The following BTBD1 variants were observed in gnomAD, a reference collection of about 807,000 sequenced individuals.
The protein encoded by BTBD1 is BTB/POZ domain-containing protein 1.
In BTBD1, 34 loss-of-function variants were observed where a neutral mutation model predicts 48.0. That is an observed-to-expected ratio of 0.71 (90% confidence interval 0.54 to 0.94). The LOEUF is 0.94. Among genes scored for constraint, BTBD1 ranks in the 40% least tolerant of loss-of-function variants. The pLI is 0.00. For missense variants in BTBD1, 543 were observed against 625.6 expected (o/e 0.87, Z 1.41); for synonymous variants, 261 against 242.1 (o/e 1.08, Z -0.72).
chr15:83,054,683 T>A (rs2033051591), intron 2 of BTBD1, among the ~76,000 whole-genome samples: 1 of 150,996 alleles, frequency 6.6e-6, no homozygotes. Context: ...TGCCTCAGCC[T>A]CCTGAGTAGC....
rs2032222392 is a variant in BTBD1, at chr15:83,018,750, T to G, written c.1247A>C (p.Glu416Ala). 1 of 1,613,992 alleles carries G rather than the reference T, an allele frequency of 6.2e-7. No homozygotes were observed. Among genetic ancestry groups the G allele is most frequent in the Non-Finnish European group, 8.5e-7 (1 of 1,180,002 alleles). ...TFRVMFKEPI[E>A]ILPNVCYTAC... ...TGTGTAGCACACATTGGGCAGGATC[T>G]CTATGGGTTCCTTGAACATGACCCT... Residue 416 changes from glutamate to alanine, a missense_variant, in exon 7 of 8, where the codon GAG becomes GCG. Glu to Ala is a moderately radical substitution (Grantham distance 107). Around this residue, in one of 3 missense-constraint regions of BTBD1, gnomAD observed 300 missense variants for 350.0 expected, o/e 0.86. Coordinates refer to ENST00000261721, the MANE Select transcript of BTBD1 (RefSeq NM_025238.4).
chr15:83,046,862 G>C (rs918709621), intron 3 of BTBD1, among the ~76,000 whole-genome samples: 21 of 152,156 alleles, frequency 1.4e-4, no homozygotes, highest in Admixed American at 1.4e-3. Context: ...CTAACAACAG[G>C]ATGTTAGAAC....
At chr15:83,020,618 T>C in intron 6 of BTBD1, 57 bp downstream of exon 6, 10 of 1,187,856 alleles carry the variant, frequency 8.4e-6, no homozygotes, top group Non-Finnish European at 1.2e-5. Flanking sequence ...AACAATATCT[T>C]AAAGTTACCT....
At chr15:83,056,690 GCCATCCATTCATCTATCCAT>G (rs1318959411) in intron 1 of BTBD1, 145 bp from the exon 2 acceptor site, 3 of 483,158 alleles carry the variant, frequency 6.2e-6, no homozygotes, top group African/African-American at 6.7e-5. Flanking sequence ...CACCCACCCA[GCCATCCATTCATCTATCCAT>G]CCATCCATCC....
chr15:83,064,830 T>G (rs954771000), intron 1 of BTBD1, among the ~76,000 whole-genome samples: 1 of 152,182 alleles, frequency 6.6e-6, no homozygotes, highest in Non-Finnish European at 1.5e-5. Flanking sequence ...AACTTTAAAC[T>G]AAAATGACCT....
chr15:83,036,867 C>G (rs916492539), intron 4 of BTBD1, among the ~76,000 whole-genome samples: 1 of 152,040 alleles, frequency 6.6e-6, no homozygotes, highest in Admixed American at 6.6e-5. Flanking sequence ...ATGGACACAA[C>G]TAATTTATAG....
At chr15:83,058,974 G>C (rs752044448) in intron 1 of BTBD1, among the ~76,000 whole-genome samples, 23 of 152,082 alleles carry the variant, frequency 1.5e-4, no homozygotes, top group Non-Finnish European at 3.4e-4. Flanking sequence ...TTTTGTGTGA[G>C]ATCTCCCATT....
intron 3 of BTBD1, among the ~76,000 whole-genome samples, chr15:83,047,157 C>T (rs1256834672): frequency 6.6e-6 from 1 of 152,098 alleles, no homozygotes; most frequent in Non-Finnish European, 1.5e-5. Context: ...AGTAAACAAT[C>T]AACATATATA....
chr15:83,050,076 T>C lies in BTBD1; in HGVS notation c.661A>G (p.Ile221Val), dbSNP rs774815100. Residue 221 changes from isoleucine to valine, a missense_variant, in exon 3 of 8, where the codon ATA becomes GTA. By Grantham distance (29) the Ile-to-Val change is conservative (BLOSUM62 3). Around this residue, in one of 3 missense-constraint regions of BTBD1, gnomAD observed 300 missense variants for 350.0 expected, o/e 0.86. Transcript: ENST00000261721. ...ATTTACTTCATAGCGAACTTACCTA[T>C]ATCAATATCAGTAAACCCTTCTGCA... is the stretch of plus-strand genomic sequence containing the variant. ...ISAEGFTDID[I>V]DTLCAVLERD... 108 of 1,598,724 alleles carry C rather than the reference T, an allele frequency of 6.8e-5. No individual in the cohort carries two copies. The highest frequency in any genetic ancestry group is 1.0e-5 in the Non-Finnish European group (12 of 1,167,184).
chr15:83,020,346 G>A (rs550340371), intron 6 of BTBD1: 1 of 188,994 alleles, frequency 5.3e-6, no homozygotes, highest in South Asian at 1.6e-4. Context: ...CCAGTTACAA[G>A]AAATTTAGTT....
chr15:83,051,567 A>G (rs964419237), intron 2 of BTBD1, among the ~76,000 whole-genome samples: 1 of 151,082 alleles, frequency 6.6e-6, no homozygotes, highest in African/African-American at 2.4e-5. Flanking sequence ...TTCCTAGATT[A>G]TACACTGAGC....
chr15:83,062,900 G>A (rs911448092), intron 1 of BTBD1, among the ~76,000 whole-genome samples: 2 of 152,090 alleles, frequency 1.3e-5, no homozygotes, highest in Non-Finnish European at 2.9e-5. Context: ...ACTGTCTCCA[G>A]CTCCTCACTT....
chr15:83,022,838 G>A (rs1412967840), intron 5 of BTBD1, among the ~76,000 whole-genome samples: 3 of 145,232 alleles, frequency 2.1e-5, no homozygotes, highest in African/African-American at 7.3e-5. Context: ...GGTGTGCACC[G>A]TAGTCCCAGC....
intron 4 of BTBD1, among the ~76,000 whole-genome samples, chr15:83,038,513 T>G (rs1374725188): frequency 3.3e-5 from 5 of 152,050 alleles, no homozygotes; most frequent in Non-Finnish European, 7.4e-5. Context: ...TCTATCAAAC[T>G]ACCAACATCA....
At chr15:83,033,220 T>A (rs527592260) in intron 4 of BTBD1, among the ~76,000 whole-genome samples, 23 of 151,626 alleles carry the variant, frequency 1.5e-4, no homozygotes, top group South Asian at 1.2e-3. Flanking sequence ...TCTCTTTTTT[T>A]AAAAAAAATG....
chr15:83,039,976 G>T (rs1470855909), intron 4 of BTBD1, among the ~76,000 whole-genome samples: 1 of 141,574 alleles, frequency 7.1e-6, no homozygotes, highest in Non-Finnish European at 1.5e-5. Context: ...AGACTGGGTA[G>T]AGAATGTGAC....
chr15:83,028,093 T>A (rs898529410), intron 5 of BTBD1, among the ~76,000 whole-genome samples: 1 of 152,234 alleles, frequency 6.6e-6, no homozygotes, highest in Non-Finnish European at 1.5e-5. Context: ...AGAACTGGGT[T>A]TGATAGAGTT....
intron 3 of BTBD1, among the ~76,000 whole-genome samples, chr15:83,048,331 A>G (rs2032917403): frequency 6.6e-6 from 1 of 152,232 alleles, no homozygotes; most frequent in Non-Finnish European, 1.5e-5. Context: ...TCAAATGCCT[A>G]TAAAATCTCC....
At chr15:83,032,835 G>A (rs150648990) in intron 4 of BTBD1, among the ~76,000 whole-genome samples, 5 of 152,004 alleles carry the variant, frequency 3.3e-5, no homozygotes, top group East Asian at 3.9e-4. Flanking sequence ...AGCCAAGGGC[G>A]GTGGTGGGTG....
Sources: allele counts gnomAD v4.1 joint callset (sites outside exome capture counted in the v4.1 genomes callset), GRCh38; gene constraint gnomAD v4.1.1; regional missense constraint gnomAD v4.1.1; transcripts MANE v1.5; gene names NCBI Gene and HGNC (gene_info 2026-07-23, HGNC 2026-07-21).